Variants in MAGI1 observed in about 807,000 individuals in gnomAD.
MAGI1 encodes the protein membrane associated guanylate kinase, WW and PDZ domain containing 1.
A neutral mutation model predicts 139.9 loss-of-function variants in MAGI1; 58 were observed. The observed-to-expected ratio is 0.41, with a 90% CI of 0.34 to 0.52. The LOEUF (loss-of-function observed/expected upper bound fraction) is 0.52, where lower values mean the gene tolerates loss of function less well. MAGI1 is among the 20% of genes least tolerant of loss of function. The pLI is 0.12. For synonymous variants in MAGI1, 812 were observed against 737.9 expected (o/e 1.10, Z -1.63); for missense variants, 1,874 against 1,901.6 (o/e 0.99, Z 0.27).
chr3:65,569,488 T>C (rs1271401088), intron 2 of MAGI1, among the ~76,000 whole-genome samples: 1 of 152,220 alleles, frequency 6.6e-6, no homozygotes, highest in African/African-American at 2.4e-5. Context: ...TCTCCACTTA[T>C]ACAAATGAAT....
At chr3:65,500,408 G>C (rs960869842) in intron 2 of MAGI1, among the ~76,000 whole-genome samples, 12 of 152,166 alleles carry the variant, frequency 7.9e-5, no homozygotes, top group Non-Finnish European at 1.8e-4. Flanking sequence ...AGTAAAGCTT[G>C]AGTGGCTATC....
rs112407803 is a variant in MAGI1, at chr3:65,829,215, T to C, written c.314-207127A>G. Among the ~76,000 whole-genome samples the C allele has an allele frequency of 2.1e-3, 327 of 152,324 alleles. 1 individual carries two copies. Among genetic ancestry groups the C allele is most frequent in the Non-Finnish European group, 3.2e-3 (220 of 68,020 alleles). ...ATAGCAGCAACAGAAAATTAATATA[T>C]AGGCTCAGGCAAAATGAAGAGCATT... On this transcript the variant is annotated intron_variant, in intron 1 of 22. Transcript: ENST00000402939.
At position 65,375,886 on chromosome 3, in the gene MAGI1, C is replaced by A. The variant is rs1248534265; in HGVS notation, c.3055G>T (p.Asp1019Tyr). 2 of 1,614,022 alleles carry A rather than the reference C, an allele frequency of 1.2e-6. No individual in the cohort carries two copies. Among genetic ancestry groups the A allele is most frequent in the Admixed American group, 3.3e-5 (2 of 60,000 alleles). The change falls in exon 18 of 23, where the codon GAC (aspartate) becomes TAC (tyrosine). Residue 1019 changes from aspartate (D) to tyrosine (Y), a missense_variant. By Grantham distance (160) the Asp-to-Tyr change is radical. Around this residue, in one of 5 missense-constraint regions of MAGI1, gnomAD observed 653 missense variants for 644.5 expected, o/e 1.01. Transcript: ENST00000402939. ...IGRIIEGSPADRCGKLKVGDR... is the reference protein window; with the variant it reads ...IGRIIEGSPAYRCGKLKVGDR... ...CCTACTTTCAGCTTGCCACAGCGGT[C>A]AGCAGGGCTCCCCTCAATAATCCGA... is the stretch of plus-strand genomic sequence containing the variant.
intron 2 of MAGI1, among the ~76,000 whole-genome samples, chr3:65,558,560 C>T (rs537757377): frequency 7.9e-5 from 12 of 152,276 alleles, no homozygotes; most frequent in African/African-American, 2.2e-4. Flanking sequence ...CTCTCTCATT[C>T]GTTTCCTCAA....
At chr3:65,458,005 A>C (rs1949516587) in intron 5 of MAGI1, among the ~76,000 whole-genome samples, 1 of 152,062 alleles carries the variant, frequency 6.6e-6, no homozygotes, top group Non-Finnish European at 1.5e-5. Flanking sequence ...CCATGGGTTC[A>C]ATTGCTTTAA....
intron 1 of MAGI1, among the ~76,000 whole-genome samples, chr3:65,943,895 G>C (rs2063435363): frequency 6.6e-6 from 1 of 152,138 alleles, no homozygotes; most frequent in Non-Finnish European, 1.5e-5. Context: ...CTGCAATTAA[G>C]AAATATATTC....
At chr3:65,937,914 ATTTT>A (rs1260576259) in intron 1 of MAGI1, among the ~76,000 whole-genome samples, 3 of 152,242 alleles carry the variant, frequency 2.0e-5, no homozygotes, top group Admixed American at 1.3e-4. Flanking sequence ...TATGGCATTT[ATTTT>A]TTTAATGTAC....
intron 1 of MAGI1, chr3:65,873,701 G>A (rs2060014855): frequency 1.3e-5 from 2 of 152,096 alleles, no homozygotes. Flanking sequence ...TTTCAACACA[G>A]GTGCCAAGAA....
intron 1 of MAGI1, among the ~76,000 whole-genome samples, chr3:65,966,584 C>T (rs1284945868): frequency 2.0e-5 from 3 of 151,504 alleles, no homozygotes; most frequent in Admixed American, 6.6e-5. Context: ...CACCACTGTA[C>T]TCCAGGATAG....
intron 2 of MAGI1, among the ~76,000 whole-genome samples, chr3:65,609,088 A>G (rs939637122): frequency 6.6e-6 from 1 of 152,166 alleles, no homozygotes; most frequent in African/African-American, 2.4e-5. Flanking sequence ...TTGGGAAGGA[A>G]GGGAAGCGTT....
chr3:65,617,699 C>T (rs146363385), intron 2 of MAGI1, among the ~76,000 whole-genome samples: 1 of 152,198 alleles, frequency 6.6e-6, no homozygotes, highest in African/African-American at 2.4e-5. Flanking sequence ...CTCTGACCTT[C>T]CTTATATTCT....
chr3:65,913,637 C>G (rs2061766734), intron 1 of MAGI1, among the ~76,000 whole-genome samples: 1 of 152,112 alleles, frequency 6.6e-6, no homozygotes, highest in African/African-American at 2.4e-5. Flanking sequence ...GGAGCATTTA[C>G]CATGAGATGC....
chr3:65,697,763 A>G (rs1454515016), intron 1 of MAGI1, among the ~76,000 whole-genome samples: 2 of 104,880 alleles, frequency 1.9e-5, no homozygotes, highest in African/African-American at 9.6e-5. Flanking sequence ...CCCACAGCCA[A>G]TATCATACTG....
rs928454000 is a variant in MAGI1, at chr3:65,576,433, G to A, written c.430+45539C>T. Among the ~76,000 whole-genome samples the A allele has an allele frequency of 2.6e-5, 4 of 152,238 alleles. No homozygotes were observed. In the South Asian group the frequency reaches 8.3e-4, roughly 32 times the overall value. Reference sequence around the variant, plus strand: ...CCCCGCACTCTTCCTCTCTGAGCCTGAATAAAAGATTCCAGCTCTAACAGG... The same window carrying A: ...CCCCGCACTCTTCCTCTCTGAGCCTAAATAAAAGATTCCAGCTCTAACAGG... On this transcript the variant is annotated intron_variant, in intron 2 of 22. Coordinates refer to ENST00000402939, the MANE Select transcript of MAGI1 (RefSeq NM_001033057.2).
chr3:65,408,743 A>G (rs1480804396), intron 12 of MAGI1, among the ~76,000 whole-genome samples: 2 of 152,208 alleles, frequency 1.3e-5, no homozygotes, highest in Non-Finnish European at 2.9e-5. Flanking sequence ...AAAGCTAACG[A>G]CAGTCCAGAA....
At chr3:65,992,395 G>A (rs149213478) in intron 1 of MAGI1, among the ~76,000 whole-genome samples, 1 of 152,262 alleles carries the variant, frequency 6.6e-6, no homozygotes, top group Non-Finnish European at 1.5e-5. Flanking sequence ...AGCCTTTATT[G>A]TCTGTGGTGA....
At chr3:65,396,389 C>G (rs545439020) in intron 13 of MAGI1, among the ~76,000 whole-genome samples, 2 of 152,178 alleles carry the variant, frequency 1.3e-5, no homozygotes, top group African/African-American at 2.4e-5. Flanking sequence ...ATCACAAGAC[C>G]TTTTAAACTA....
At position 65,619,126 on chromosome 3, in the gene MAGI1, G is replaced by T. The variant is rs115864973; in HGVS notation, c.430+2846C>A. 3.8e-3 allele frequency among the ~76,000 whole-genome samples: 573 copies of T among 152,280 alleles called. 7 individuals are homozygous for T. Among genetic ancestry groups the T allele is most frequent in the African/African-American group, 0.013 (554 of 41,546 alleles). On this transcript the variant is annotated intron_variant, in intron 2 of 22. Transcript: ENST00000402939. ...TAAACAGGTAAGTTGTATGGTATGT[G>T]AATTATATTTCAACAACGCCGTTAC...
chr3:65,495,775 G>A (rs558958414), intron 2 of MAGI1, among the ~76,000 whole-genome samples: 1 of 152,184 alleles, frequency 6.6e-6, no homozygotes, highest in East Asian at 1.9e-4. Flanking sequence ...AGGTGATGAG[G>A]AAGAGCCTGG....
Sources: allele counts gnomAD v4.1 joint callset (sites outside exome capture counted in the v4.1 genomes callset), GRCh38; gene constraint gnomAD v4.1.1; regional missense constraint gnomAD v4.1.1; transcripts MANE v1.5; gene names NCBI Gene and HGNC (gene_info 2026-07-23, HGNC 2026-07-21).